The following VAMP7 variants were observed in gnomAD, a reference collection of about 807,000 sequenced individuals.
The protein encoded by VAMP7 is vesicle-associated membrane protein 7.
VAMP7 carries 14 observed loss-of-function variants against 29.6 expected under a neutral mutation model. The ratio of observed to expected loss-of-function variants is 0.47; its 90% CI spans 0.31 to 0.74. The LOEUF is 0.74. VAMP7 is among the 30% of genes least tolerant of loss of function. The probability of loss-of-function intolerance (pLI) is 0.05; values close to 1 mark genes in which losing one functional copy is unlikely to be tolerated. For missense variants in VAMP7, 223 were observed against 262.4 expected, an observed-to-expected ratio of 0.85 and a Z score of 1.04; for synonymous variants, 95 against 88.1, an observed-to-expected ratio of 1.08 and a Z score of -0.44.
chrX:155,911,583 C>T (rs1244504154), intron 5 of VAMP7, among the ~76,000 whole-genome samples: 1 of 151,874 alleles, frequency 6.6e-6, no homozygotes, highest in African/African-American at 2.4e-5. Context: ...TGATCCATGA[C>T]CATAAGATGT....
chrX:155,916,101 A>G (rs2066308722), intron 5 of VAMP7, among the ~76,000 whole-genome samples: 1 of 152,096 alleles, frequency 6.6e-6, no homozygotes, highest in South Asian at 2.1e-4. Context: ...TCCCTTTACC[A>G]TTATGTAATG....
At chrX:155,896,111 G>A (rs1264523805) in intron 3 of VAMP7, among the ~76,000 whole-genome samples, 3 of 152,140 alleles carry the variant, frequency 2.0e-5, no homozygotes, top group South Asian at 2.1e-4. Flanking sequence ...GTGGGCAAAC[G>A]TGATGCGAAC....
intron 6 of VAMP7, among the ~76,000 whole-genome samples, chrX:155,936,309 G>GAGGC (rs1271007127): frequency 6.6e-6 from 1 of 152,188 alleles, no homozygotes; most frequent in Non-Finnish European, 1.5e-5. Flanking sequence ...GGAGTCTACA[G>GAGGC]AGGCAGGCAG....
intron 5 of VAMP7, among the ~76,000 whole-genome samples, chrX:155,915,695 G>C (rs1048094017): frequency 6.6e-6 from 1 of 152,172 alleles, no homozygotes; most frequent in Non-Finnish European, 1.5e-5. Context: ...TCTTAATCCT[G>C]AGTTCTAATT....
intron 5 of VAMP7, among the ~76,000 whole-genome samples, chrX:155,901,697 T>C (rs2066064799): frequency 2.0e-5 from 3 of 152,186 alleles, no homozygotes; most frequent in Admixed American, 2.0e-4. Flanking sequence ...TGTGGCGTTA[T>C]TTCTGAGGGC....
chrX:155,900,590 A>G lies in VAMP7; in HGVS notation c.433+3A>G. On this transcript the variant is annotated splice_donor_region_variant and intron_variant, in intron 5 of 7. Coordinates refer to ENST00000286448, the MANE Select transcript of VAMP7 (RefSeq NM_005638.6). ...AGGAATCATGGTCAGAAACATAGGTATGTTTCATGGCATAGTTTCATGCAT... is the reference window on the plus strand; with the variant it reads ...AGGAATCATGGTCAGAAACATAGGTGTGTTTCATGGCATAGTTTCATGCAT... 6.2e-7 allele frequency: 1 copy of G among 1,602,286 alleles called. No homozygotes were observed. The highest frequency in any genetic ancestry group is 8.5e-7 in the Non-Finnish European group (1 of 1,173,380).
At chrX:155,918,320 A>G (rs1021285337) in intron 5 of VAMP7, among the ~76,000 whole-genome samples, 7 of 151,764 alleles carry the variant, frequency 4.6e-5, no homozygotes, top group African/African-American at 9.7e-5. Flanking sequence ...GTGAACAGTT[A>G]TGTCTCACTG....
chrX:155,888,579 C>T (rs1371205306), intron 1 of VAMP7, among the ~76,000 whole-genome samples: 1 of 152,112 alleles, frequency 6.6e-6, no homozygotes, highest in Non-Finnish European at 1.5e-5. Flanking sequence ...AGAAGCTGGG[C>T]TTGTTAGGTG....
Position 155,942,033 on chromosome X carries a change from C to G in VAMP7, c.*82C>G. 6.2e-7 allele frequency: 1 copy of G among 1,611,394 alleles called. No homozygotes were observed. Among genetic ancestry groups the G allele is most frequent in the Non-Finnish European group, 8.5e-7 (1 of 1,178,484 alleles). On this transcript the variant is annotated 3_prime_UTR_variant, in exon 8 of 8. Coordinates refer to ENST00000286448, the MANE Select transcript of VAMP7 (RefSeq NM_005638.6). Reference sequence around the variant, plus strand: ...CCATGTGACTCAAGCCTTTCACATACTGACAGATGGTATCTGCCAGTCTCT... The same window carrying G: ...CCATGTGACTCAAGCCTTTCACATAGTGACAGATGGTATCTGCCAGTCTCT...
At chrX:155,934,264 T>C (rs1045545097) in intron 6 of VAMP7, among the ~76,000 whole-genome samples, 1 of 152,192 alleles carries the variant, frequency 6.6e-6, no homozygotes, top group African/African-American at 2.4e-5. Flanking sequence ...TTGTTAACTT[T>C]CTGTCTCATT....
At chrX:155,884,429 A>C (rs754647560) in intron 1 of VAMP7, among the ~76,000 whole-genome samples, 1 of 152,160 alleles carries the variant, frequency 6.6e-6, no homozygotes, top group Non-Finnish European at 1.5e-5. Context: ...GCCCAGCCAA[A>C]ATTAAAGTCT....
intron 2 of VAMP7, among the ~76,000 whole-genome samples, chrX:155,890,611 T>C (rs887032580): frequency 6.6e-6 from 1 of 152,170 alleles, no homozygotes; most frequent in African/African-American, 2.4e-5. Flanking sequence ...TTCGCCTGCC[T>C]TGGCCTCCCA....
At chrX:155,941,797 T>A in intron 7 of VAMP7, 86 bp from the exon 8 acceptor site, 2 of 1,409,082 alleles carry the variant, frequency 1.4e-6, no homozygotes, top group Non-Finnish European at 1.9e-6. Flanking sequence ...GAAGTATTTC[T>A]TAATAAGGCT....
chrX:155,929,122 G>T (rs1174777141), intron 6 of VAMP7, among the ~76,000 whole-genome samples: 1 of 152,158 alleles, frequency 6.6e-6, no homozygotes, highest in Non-Finnish European at 1.5e-5. Context: ...GAATATTGCT[G>T]CATTTCAGTG....
At chrX:155,928,783 G>C (rs1464730781) in intron 6 of VAMP7, among the ~76,000 whole-genome samples, 1 of 152,184 alleles carries the variant, frequency 6.6e-6, no homozygotes, top group Non-Finnish European at 1.5e-5. Flanking sequence ...AGGTGAACTT[G>C]TTTTAAACAG....
intron 5 of VAMP7, among the ~76,000 whole-genome samples, chrX:155,909,314 G>T (rs2066199539): frequency 6.6e-6 from 1 of 152,038 alleles, no homozygotes; most frequent in Admixed American, 6.6e-5. Context: ...TTGTAAGTTT[G>T]GTGGTGATGT....
At position 155,942,356 on chromosome X, in the gene VAMP7, C is replaced by A; in HGVS notation, c.*405C>A. ...AGAGACAGTATTGCTAACATCTCAT[C>A]TTAATGTCTTTTGTTATTGAGAAGT... On this transcript the variant is annotated 3_prime_UTR_variant, in exon 8 of 8. Coordinates refer to ENST00000286448, the MANE Select transcript of VAMP7 (RefSeq NM_005638.6). The A allele has an allele frequency of 1.7e-6, 1 of 575,436 alleles. No individual in the cohort carries two copies. The highest frequency in any genetic ancestry group is 3.0e-6 in the Non-Finnish European group (1 of 336,696). 35.6% of individuals were successfully genotyped at this position (575,436 alleles called of 1,614,324 possible).
intron 6 of VAMP7, among the ~76,000 whole-genome samples, chrX:155,921,421 A>G (rs2066394813): frequency 6.6e-6 from 1 of 151,964 alleles, no homozygotes. Flanking sequence ...TCCCCAATAG[A>G]CGTAATTATG....
chrX:155,935,588 G>C (rs1159126902), intron 6 of VAMP7, among the ~76,000 whole-genome samples: 2 of 151,922 alleles, frequency 1.3e-5, no homozygotes, highest in African/African-American at 4.8e-5. Flanking sequence ...GGTTATTCTA[G>C]TTAGCCATTC....
Sources: allele counts gnomAD v4.1 joint callset (sites outside exome capture counted in the v4.1 genomes callset), GRCh38; gene constraint gnomAD v4.1.1; transcripts MANE v1.5; gene names NCBI Gene and HGNC (gene_info 2026-07-23, HGNC 2026-07-21).